Variants in UNKL observed in about 807,000 individuals in gnomAD.
UNKL encodes the protein putative E3 ubiquitin-protein ligase UNKL.
UNKL carries 60 observed loss-of-function variants against 78.0 expected under a neutral mutation model. The ratio of observed to expected loss-of-function variants is 0.77; its 90% CI spans 0.63 to 0.95. UNKL has a LOEUF of 0.95. UNKL is among the 40% of genes least tolerant of loss of function. The probability of loss-of-function intolerance (pLI) is 0.00; values close to 1 mark genes in which losing one functional copy is unlikely to be tolerated. For synonymous variants in UNKL, 608 were observed against 474.8 expected (o/e 1.28, Z -3.65); for missense variants, 1,159 against 1,045.7 (o/e 1.11, Z -1.49).
chr16:1,383,584 GA>G, intron 10 of UNKL: 1 of 362,976 alleles, frequency 2.8e-6, no homozygotes, highest in Non-Finnish European at 5.7e-6. Flanking sequence ...TGGCCGCTGG[GA>G]AGAGTCTCTC....
In UNKL at chr16:1,364,211, A is replaced by AC. The variant is rs1409590789; in HGVS notation, c.*2028dup. The AC allele has an allele frequency of 6.6e-6, 1 of 152,254 alleles. No homozygotes were observed. Among genetic ancestry groups the AC allele is most frequent in the Non-Finnish European group, 1.5e-5 (1 of 68,044 alleles). The allele number at this position is 152,254 out of a possible 1,614,324, so 9.4% of individuals were successfully genotyped here. A position where few individuals can be genotyped will look rare whatever the true frequency, so the allele number is the denominator to read the frequency against. On this transcript the variant is annotated 3_prime_UTR_variant, in exon 15 of 15. Coordinates refer to ENST00000389221, the MANE Select transcript of UNKL (RefSeq NM_001372107.1). ...ATTCACTGAAACCAAGTCGATAGTT[A>AC]CCTTGGAGTAGTGGACTAGCTGCAG...
intron 10 of UNKL, chr16:1,383,876 C>G: frequency 2.4e-6 from 1 of 414,866 alleles, no homozygotes; most frequent in Non-Finnish European, 5.0e-6. Flanking sequence ...ATGCCCAGCT[C>G]CCCCGCCACA....
In UNKL at chr16:1,399,062, G is replaced by T; in HGVS notation, c.734+312C>A. On this transcript the variant is annotated intron_variant, in intron 5 of 14. Coordinates refer to ENST00000389221, the MANE Select transcript of UNKL (RefSeq NM_001372107.1). The surrounding 1 kb of genome is among the most constrained non-coding windows in gnomAD (Gnocchi z 5.8). ...GGCTGCAACCAGAGGCACGGGTGGG[G>T]CACACGGGGGTCCCAGCTGGGCTTG... 7.3e-7 allele frequency: 1 copy of T among 1,370,006 alleles called. No homozygotes were observed. Among genetic ancestry groups the T allele is most frequent in the Non-Finnish European group, 9.6e-7 (1 of 1,038,672 alleles). The allele number at this position is 1,370,006 out of a possible 1,614,324, so 84.9% of individuals were successfully genotyped here.
intron 10 of UNKL, among the ~76,000 whole-genome samples, chr16:1,382,964 A>C (rs928925178): frequency 3.4e-5 from 5 of 146,884 alleles, no homozygotes; most frequent in East Asian, 2.0e-4. Flanking sequence ...TCTCAAAAAA[A>C]ACACACACAC....
At chr16:1,410,021 A>AG (rs770060343) in intron 2 of UNKL, among the ~76,000 whole-genome samples, 23 of 152,228 alleles carry the variant, frequency 1.5e-4, no homozygotes, top group Non-Finnish European at 2.6e-4. Context: ...CAGAGGATAC[A>AG]GGAGCCCAGA....
intron 2 of UNKL, chr16:1,411,808 G>A (rs1452841218): frequency 6.6e-6 from 1 of 152,250 alleles, no homozygotes; most frequent in African/African-American, 2.4e-5. Flanking sequence ...CTGGGTGACA[G>A]AGACTTCGTC....
chr16:1,371,045 T>C (rs1280697959), intron 11 of UNKL, among the ~76,000 whole-genome samples: 3 of 140,704 alleles, frequency 2.1e-5, no homozygotes, highest in Admixed American at 7.6e-5. Flanking sequence ...ATCGCGCCAC[T>C]GCACTCCAGC....
At chr16:1,369,058 T>TTTG in intron 12 of UNKL, among the ~76,000 whole-genome samples, 1 of 61,486 alleles carries the variant, frequency 1.6e-5, no homozygotes, top group Non-Finnish European at 2.8e-5. Context: ...AGTATTAGTT[T>TTTG]TTTTTTTTTT....
chr16:1,367,966 GC>G, intron 12 of UNKL, 108 bp from the exon 13 acceptor site: 1 of 1,018,064 alleles, frequency 9.8e-7, no homozygotes, highest in Non-Finnish European at 1.4e-6. Flanking sequence ...ACCCTCTGGG[GC>G]TCACCTGCCC....
chr16:1,379,737 G>GC (rs1281140580), intron 10 of UNKL: 21 of 961,466 alleles, frequency 2.2e-5, no homozygotes, highest in Non-Finnish European at 2.3e-5. Flanking sequence ...ACGTGACTCG[G>GC]CCCCGCCCCC....
Position 1,366,134 on chromosome 16 carries a change from C to G in UNKL, c.*106G>C. The G allele has an allele frequency of 1.5e-6, 2 of 1,322,256 alleles. No individual in the cohort carries two copies. Among genetic ancestry groups the G allele is most frequent in the Non-Finnish European group, 9.9e-7 (1 of 1,014,658 alleles). 81.9% of individuals were successfully genotyped at this position (1,322,256 alleles called of 1,614,324 possible). A position where few individuals can be genotyped will look rare whatever the true frequency, so the allele number is the denominator to read the frequency against. On this transcript the variant is annotated 3_prime_UTR_variant, in exon 15 of 15. Coordinates refer to ENST00000389221, the MANE Select transcript of UNKL (RefSeq NM_001372107.1). ...ACGTGTAACAGGAAGGGCTCCCAGCCTCGGTCCTCACGTCGGTGGCACCAG... is the reference window on the plus strand; with the variant it reads ...ACGTGTAACAGGAAGGGCTCCCAGCGTCGGTCCTCACGTCGGTGGCACCAG...
intron 10 of UNKL, chr16:1,379,779 C>A: frequency 2.4e-6 from 2 of 849,110 alleles, no homozygotes; most frequent in Non-Finnish European, 2.8e-6. Flanking sequence ...GCGCTGCCCT[C>A]CCCCAACCTT....
chr16:1,389,942 C>T (rs1354007558), intron 9 of UNKL, among the ~76,000 whole-genome samples: 1 of 152,174 alleles, frequency 6.6e-6, no homozygotes, highest in African/African-American at 2.4e-5. Context: ...GTACTGGAAC[C>T]ACAGGTGTGA....
intron 10 of UNKL, among the ~76,000 whole-genome samples, chr16:1,378,095 A>G (rs2036364017): frequency 6.6e-6 from 1 of 152,104 alleles, no homozygotes; most frequent in African/African-American, 2.4e-5. Context: ...TCCATTCAGT[A>G]AGATCAGCCA....
chr16:1,377,687 G>A (rs977593378), intron 10 of UNKL, among the ~76,000 whole-genome samples: 5 of 152,030 alleles, frequency 3.3e-5, no homozygotes, highest in African/African-American at 9.7e-5. Context: ...GCCTGGACCC[G>A]CCCAACACAG....
intron 12 of UNKL, among the ~76,000 whole-genome samples, chr16:1,369,292 T>A (rs1401822370): frequency 1.3e-5 from 2 of 150,716 alleles, no homozygotes; most frequent in African/African-American, 4.9e-5. Context: ...ATGGTCTCGA[T>A]ATCCTGACGT....
intron 5 of UNKL, chr16:1,398,678 T>TGC: frequency 1.4e-6 from 2 of 1,428,514 alleles, no homozygotes; most frequent in Non-Finnish European, 1.8e-6. Context: ...CTGTGGGGTC[T>TGC]GCACCCCCCC....
In UNKL at chr16:1,401,708, G is replaced by T. The variant is rs1277546699; in HGVS notation, c.465-7C>A. On this transcript the variant is annotated splice_region_variant and splice_polypyrimidine_tract_variant and intron_variant, in intron 3 of 14. Coordinates refer to ENST00000389221, the MANE Select transcript of UNKL (RefSeq NM_001372107.1). ...TTCCTGGGCCTGCAGCTCCCTGCAA[G>T]CCGAGGACACAGTGGTCACAGCTCT... The T allele has an allele frequency of 3.1e-6, 5 of 1,606,234 alleles. No individual in the cohort carries two copies. The highest frequency in any genetic ancestry group is 4.2e-6 in the Non-Finnish European group (5 of 1,177,484).
chr16:1,374,139 G>A (rs1185899418), intron 10 of UNKL, among the ~76,000 whole-genome samples: 19 of 134,052 alleles, frequency 1.4e-4, no homozygotes, highest in African/African-American at 3.0e-4. Flanking sequence ...CCTCAGCAGC[G>A]TGGGGCACAC....
Sources: gnomAD v4.1 joint callset for allele counts (sites outside exome capture counted in the v4.1 genomes callset) on GRCh38, gnomAD v4.1.1 for gene constraint, Gnocchi (gnomAD v3.1) non-coding constraint, MANE v1.5 for transcripts, NCBI Gene and HGNC (gene_info 2026-07-23, HGNC 2026-07-21) for gene names.